STRADA: variants seen among roughly 807,000 people sequenced by gnomAD.
STRADA encodes the protein STE20-related kinase adapter protein alpha.
A neutral mutation model predicts 55.0 loss-of-function variants in STRADA; 26 were observed. That is an observed-to-expected ratio of 0.47 (90% CI 0.35 to 0.66). The LOEUF (loss-of-function observed/expected upper bound fraction) is 0.66. Among genes scored for constraint, STRADA ranks in the 30% least tolerant of loss-of-function variants. The pLI is 0.01. For synonymous variants in STRADA, 197 were observed against 210.9 expected (o/e 0.93, Z 0.57); for missense variants, 443 against 549.7 (o/e 0.81, Z 1.94).
chr17:63,725,059 T>A (rs2144113718), intron 3 of STRADA, among the ~76,000 whole-genome samples: 1 of 151,950 alleles, frequency 6.6e-6, no homozygotes, highest in East Asian at 2.0e-4. Flanking sequence ...AAACCCTGTC[T>A]CTACTAAAAA....
chr17:63,704,114 A>T, intron 11 of STRADA, 67 bp from the exon 12 acceptor site: 1 of 1,589,690 alleles, frequency 6.3e-7, no homozygotes, highest in Non-Finnish European at 8.6e-7. Flanking sequence ...AAATCCTGCC[A>T]CTTATGCCTC....
chr17:63,740,086 C>CTATATATATATA (rs771962134), intron 1 of STRADA, among the ~76,000 whole-genome samples: 12 of 41,512 alleles, frequency 2.9e-4, no homozygotes, highest in African/African-American at 1.0e-3. Context: ...ACATTTAACA[C>CTATATATATATA]TATATATATA....
chr17:63,720,517 G>A (rs2037224176), intron 4 of STRADA, among the ~76,000 whole-genome samples: 1 of 151,796 alleles, frequency 6.6e-6, no homozygotes, highest in African/African-American at 2.4e-5. Context: ...GCTCACACCT[G>A]TAATCCCAGC....
chr17:63,706,708 A>G lies in STRADA; in HGVS notation c.785T>C (p.Ile262Thr). Reference protein sequence around the residue: ...NLQGYDAKSDIYSVGITACEL... With the variant: ...NLQGYDAKSDTYSVGITACEL... ...ACAGGCTGTGATTCCCACACTGTAG[A>G]TGTCAGACTTGGCATCATAACCCTG... The change falls in exon 10 of 13, where the codon ATC (isoleucine) becomes ACC (threonine). Residue 262 changes from isoleucine to threonine, a missense_variant. By Grantham distance (89) the Ile-to-Thr change is moderately conservative (BLOSUM62 -1). Transcript: ENST00000336174. 6.2e-7 allele frequency: 1 copy of G among 1,614,028 alleles called. No individual in the cohort carries two copies. Among genetic ancestry groups the G allele is most frequent in the Non-Finnish European group, 8.5e-7 (1 of 1,179,906 alleles).
In STRADA at chr17:63,728,226, C is replaced by G; in HGVS notation, c.36+108G>C. On this transcript the variant is annotated intron_variant, in intron 2 of 12. Transcript: ENST00000336174. ...GCCTTACTTCCTACATCCCTCACTTCCGTATCATTCCGACCCTCACGTAGA... is the reference window on the plus strand; with the variant it reads ...GCCTTACTTCCTACATCCCTCACTTGCGTATCATTCCGACCCTCACGTAGA... 3.0e-6 allele frequency: 3 copies of G among 996,654 alleles called. No homozygotes were observed. The South Asian group carries it at 4.4e-5, about 15-fold the overall frequency. 61.7% of individuals were successfully genotyped at this position (996,654 alleles called of 1,614,324 possible).
At chr17:63,729,984 C>A (rs111424621) in intron 1 of STRADA, among the ~76,000 whole-genome samples, 2 of 151,656 alleles carry the variant, frequency 1.3e-5, no homozygotes, top group African/African-American at 4.8e-5. Flanking sequence ...ATAACAGGTG[C>A]CTGCCACCAT....
At chr17:63,724,083 C>T (rs1259342274) in intron 3 of STRADA, 3 of 152,116 alleles carry the variant, frequency 2.0e-5, no homozygotes, top group African/African-American at 7.2e-5. Context: ...ATACCTTAAA[C>T]TACAAAATCA....
intron 5 of STRADA, 61 bp downstream of exon 5, chr17:63,713,945 A>G: frequency 1.5e-6 from 2 of 1,370,606 alleles, no homozygotes; most frequent in South Asian, 1.2e-5. Flanking sequence ...GGGGCTGCTG[A>G]GAAAGCTGCA....
rs1009729996 is a variant in STRADA at position 63,703,543 on chromosome 17, G to C, written c.*56C>G. ...GGGAATGTGGCCGGCCCTCAGGAAG[G>C]GCCTCTGGGTGGCCTCTGCATCCCT... On this transcript the variant is annotated 3_prime_UTR_variant, in exon 13 of 13. Transcript: ENST00000336174. The C allele has an allele frequency of 6.5e-7, 1 of 1,532,630 alleles. No homozygotes were observed. 94.9% of individuals were successfully genotyped at this position (1,532,630 alleles called of 1,614,324 possible).
chr17:63,720,771 T>TAA (rs777238779), intron 4 of STRADA, among the ~76,000 whole-genome samples: 11 of 108,904 alleles, frequency 1.0e-4, no homozygotes, highest in African/African-American at 2.8e-4. Flanking sequence ...CGAGACTGTT[T>TAA]AAAAAAAAAA....
intron 1 of STRADA, among the ~76,000 whole-genome samples, chr17:63,731,646 T>C (rs547042317): frequency 6.6e-6 from 1 of 152,200 alleles, no homozygotes; most frequent in Non-Finnish European, 1.5e-5. Flanking sequence ...TTTAAAAATA[T>C]AGATTTGAAA....
In STRADA at chr17:63,717,724, G is replaced by A. The variant is rs1442404047; in HGVS notation, c.124-3616C>T. Among the ~76,000 whole-genome samples, 7 of 151,880 alleles carry A rather than the reference G, an allele frequency of 4.6e-5. No homozygotes were observed. In the East Asian group the frequency reaches 9.7e-4, roughly 21 times the overall value. On this transcript the variant is annotated intron_variant, in intron 4 of 12. Coordinates refer to ENST00000336174, the MANE Select transcript of STRADA (RefSeq NM_001003787.4). ...ACTCCTGACTTCAAGTGATCTACCC[G>A]CCTCAGCCTCTCAAAGTGCTGGGAT...
Position 63,722,277 on chromosome 17 carries a change from G to T in STRADA, c.123+1021C>A, listed in dbSNP as rs199940837. Reference sequence around the variant, plus strand: ...TGACCATAAAATAACTGTGTTTAAAGAGTTTAAAACAAAATACAGTAAAGC... The same window carrying T: ...TGACCATAAAATAACTGTGTTTAAATAGTTTAAAACAAAATACAGTAAAGC... On this transcript the variant is annotated intron_variant, in intron 4 of 12. Transcript: ENST00000336174. 1.4e-4 allele frequency among the ~76,000 whole-genome samples: 22 copies of T among 152,276 alleles called. No individual in the cohort carries two copies. The East Asian group carries it at 4.0e-3, about 28-fold the overall frequency.
At chr17:63,730,442 C>G (rs546106257) in intron 1 of STRADA, among the ~76,000 whole-genome samples, 1 of 149,768 alleles carries the variant, frequency 6.7e-6, no homozygotes, top group African/African-American at 2.5e-5. Flanking sequence ...GTCATCCAGT[C>G]TGGAGTGCAG....
Position 63,704,420 on chromosome 17 carries a change from AG to A in STRADA, c.1020del (p.Ser341ProfsTer34), listed in dbSNP as rs1568170509. On this transcript the variant is annotated frameshift_variant, in exon 11 of 13. Coordinates refer to ENST00000336174, the MANE Select transcript of STRADA (RefSeq NM_001003787.4). LOFTEE classifies it high-confidence loss of function. ...GAGAAGGTTCGGTGGTAGGGGTGGG[AG>A]GGCGAGTCACCGTTGGAGGGCCGGG... Reference protein sequence around the residue: ...STPRPSNGDSPSHPYHRTFSP... With the variant: ...STPRPSNGDSXSHPYHRTFSP... The A allele has an allele frequency of 6.3e-7, 1 of 1,598,014 alleles. No individual in the cohort carries two copies. The highest frequency in any genetic ancestry group is 2.3e-5 in the East Asian group (1 of 44,286).
chr17:63,722,223 AAAAT>A (rs758139281), intron 4 of STRADA, among the ~76,000 whole-genome samples: 1 of 152,238 alleles, frequency 6.6e-6, no homozygotes, highest in Non-Finnish European at 1.5e-5. Flanking sequence ...AAGCATCTGA[AAAAT>A]AAATAAGCAG....
At chr17:63,717,211 G>A (rs1401756911) in intron 4 of STRADA, 1 of 152,186 alleles carries the variant, frequency 6.6e-6, no homozygotes. Context: ...CCTAAGCAGA[G>A]CTTGATCAGT....
rs1466340375 is a variant in STRADA at position 63,723,272 on chromosome 17, G to T, written c.123+26C>A. On this transcript the variant is annotated intron_variant, in intron 4 of 12. Transcript: ENST00000336174. ...AAGTCATCTCCATGCAACAGCCATA[G>T]TGCTAGGGCCTAGGAAGCCACTTAC... 3.1e-6 allele frequency: 5 copies of T among 1,614,018 alleles called. No individual in the cohort carries two copies. In the South Asian group the frequency reaches 5.5e-5, roughly 18 times the overall value.
In STRADA at chr17:63,707,146, C is replaced by T. The variant is rs865977639; in HGVS notation, c.753+101G>A. On this transcript the variant is annotated intron_variant, in intron 9 of 12. Coordinates refer to ENST00000336174, the MANE Select transcript of STRADA (RefSeq NM_001003787.4). Reference sequence around the variant, plus strand: ...TCCCTCCCTCCAGGAACCCCTTTACCCCACTGGGAGGTTGAGAGCCCCCGA... The same window carrying T: ...TCCCTCCCTCCAGGAACCCCTTTACTCCACTGGGAGGTTGAGAGCCCCCGA... 110 of 1,478,358 alleles carry T rather than the reference C, an allele frequency of 7.4e-5. 2 individuals carry two copies. The highest frequency in any genetic ancestry group is 7.1e-4 in the Middle Eastern group (3 of 4,218). 91.6% of individuals were successfully genotyped at this position (1,478,358 alleles called of 1,614,324 possible). A position where few individuals can be genotyped will look rare whatever the true frequency, so the allele number is the denominator to read the frequency against.
Sources: gnomAD v4.1 joint callset for allele counts (sites outside exome capture counted in the v4.1 genomes callset) on GRCh38, gnomAD v4.1.1 for gene constraint, MANE v1.5 for transcripts, NCBI Gene and HGNC (gene_info 2026-07-23, HGNC 2026-07-21) for gene names.